The following PRKN variants were observed in gnomAD, a reference collection of about 807,000 sequenced individuals.
PRKN encodes E3 ubiquitin-protein ligase parkin.
Under a neutral mutation model 59.5 loss-of-function variants are expected in PRKN, and 56 were observed. That is an observed-to-expected ratio of 0.94 (90% confidence interval 0.76 to 1.18). PRKN has a LOEUF of 1.18. Among genes scored for constraint, PRKN ranks in the 50% most tolerant of loss-of-function variants. PRKN has a pLI of 0.00. For synonymous variants in PRKN, 250 were observed against 222.1 expected (o/e 1.13, Z -1.12); for missense variants, 657 against 596.4 (o/e 1.10, Z -1.06).
intron 6 of PRKN, among the ~76,000 whole-genome samples, chr6:161,948,945 C>T (rs926790671): frequency 1.3e-5 from 2 of 152,166 alleles, no homozygotes; most frequent in Non-Finnish European, 2.9e-5. Flanking sequence ...GAACTTGCCC[C>T]AGAATTTCCA....
At chr6:162,016,474 C>A (rs1455719431) in intron 5 of PRKN, among the ~76,000 whole-genome samples, 5 of 152,090 alleles carry the variant, frequency 3.3e-5, no homozygotes, top group African/African-American at 1.2e-4. Context: ...TCCTGAGGTC[C>A]TCTGACTGTC....
chr6:161,367,614 C>T (rs1234834169), intron 10 of PRKN, among the ~76,000 whole-genome samples: 1 of 152,140 alleles, frequency 6.6e-6, no homozygotes, highest in Admixed American at 6.5e-5. Context: ...TTCTGTTCCT[C>T]AAACGCTACT....
intron 6 of PRKN, among the ~76,000 whole-genome samples, chr6:161,949,510 T>TAAAAACAA (rs1779907782): frequency 6.8e-6 from 1 of 147,342 alleles, no homozygotes; most frequent in Non-Finnish European, 1.5e-5. Context: ...GACTCTGTCT[T>TAAAAACAA]AAAAACAAAC....
rs1790004915 is a variant in PRKN at position 161,457,110 on chromosome 6, C to G, written c.1084-70233G>C. Among the ~76,000 whole-genome samples, 1 of 152,226 alleles carries G rather than the reference C, an allele frequency of 6.6e-6. No homozygotes were observed. Among genetic ancestry groups the G allele is most frequent in the Admixed American group, 6.5e-5 (1 of 15,284 alleles). ...GTCTTCGCTACGCAAGGCTCTCTTC[C>G]AGACCGCTTGGTTCTTTGGAGTCCA... is the stretch of plus-strand genomic sequence containing the variant. On this transcript the variant is annotated intron_variant, in intron 9 of 11. Coordinates refer to ENST00000366898, the MANE Select transcript of PRKN (RefSeq NM_004562.3). The surrounding 1 kb of genome is among the most constrained non-coding windows in gnomAD (Gnocchi z 5.0).
chr6:161,977,110 G>A (rs1239711713), intron 5 of PRKN, among the ~76,000 whole-genome samples: 1 of 152,168 alleles, frequency 6.6e-6, no homozygotes, highest in African/African-American at 2.4e-5. Context: ...GAATGTTTTT[G>A]TTGTAGTACT....
intron 5 of PRKN, among the ~76,000 whole-genome samples, chr6:162,052,747 A>G (rs572453516): frequency 2.3e-4 from 35 of 152,310 alleles, no homozygotes; most frequent in African/African-American, 7.2e-4. Flanking sequence ...GTATATATGT[A>G]TACCATATAC....
intron 6 of PRKN, among the ~76,000 whole-genome samples, chr6:161,814,895 C>T (rs1791709175): frequency 6.6e-6 from 1 of 152,152 alleles, no homozygotes; most frequent in Non-Finnish European, 1.5e-5. Flanking sequence ...GATTCAATTA[C>T]CTCCCACAGG....
chr6:161,813,985 G>A (rs1791664374), intron 6 of PRKN, among the ~76,000 whole-genome samples: 1 of 152,184 alleles, frequency 6.6e-6, no homozygotes, highest in Admixed American at 6.5e-5. Flanking sequence ...TCTAAAACAG[G>A]TAAAATGGAC....
intron 7 of PRKN, among the ~76,000 whole-genome samples, chr6:161,638,083 T>A (rs1783595134): frequency 6.6e-6 from 1 of 152,088 alleles, no homozygotes; most frequent in South Asian, 2.1e-4. Flanking sequence ...AGATAATAAT[T>A]ACAAAACTTT....
chr6:161,383,182 T>C (rs1387564917), intron 10 of PRKN, among the ~76,000 whole-genome samples: 3 of 152,230 alleles, frequency 2.0e-5, no homozygotes, highest in Non-Finnish European at 4.4e-5. Context: ...CTGGAGACCA[T>C]GCTGCTTGAG....
intron 6 of PRKN, among the ~76,000 whole-genome samples, chr6:161,848,167 C>T (rs941729218): frequency 5.9e-5 from 9 of 152,288 alleles, no homozygotes; most frequent in South Asian, 2.1e-4. Flanking sequence ...CAGCATATTT[C>T]GCCTTATTTC....
At chr6:161,855,364 T>C (rs1793609273) in intron 6 of PRKN, among the ~76,000 whole-genome samples, 1 of 152,232 alleles carries the variant, frequency 6.6e-6, no homozygotes, top group Non-Finnish European at 1.5e-5. Context: ...ATTTCTTTTA[T>C]TCTCAAATCT....
At chr6:162,299,595 T>C (rs1781848218) in intron 2 of PRKN, among the ~76,000 whole-genome samples, 1 of 151,928 alleles carries the variant, frequency 6.6e-6, no homozygotes, top group Admixed American at 6.6e-5. Flanking sequence ...TGCAAATATA[T>C]ATAAACTATA....
At chr6:161,825,362 C>A (rs1792197645) in intron 6 of PRKN, among the ~76,000 whole-genome samples, 2 of 152,116 alleles carry the variant, frequency 1.3e-5, no homozygotes, top group African/African-American at 4.8e-5. Flanking sequence ...TAAAGAAGGT[C>A]TCCCAAATGG....
chr6:162,327,923 A>G (rs1783371229), intron 2 of PRKN, among the ~76,000 whole-genome samples: 1 of 152,036 alleles, frequency 6.6e-6, no homozygotes, highest in Non-Finnish European at 1.5e-5. Context: ...AGCGTTTCTC[A>G]ATGGTCTACA....
At chr6:162,539,637 T>C (rs1242547730) in intron 1 of PRKN, among the ~76,000 whole-genome samples, 1 of 152,188 alleles carries the variant, frequency 6.6e-6, no homozygotes, top group African/African-American at 2.4e-5. Context: ...TGTAGGCTGC[T>C]TGAATCGCAG....
intron 6 of PRKN, among the ~76,000 whole-genome samples, chr6:161,864,897 G>A (rs547442825): frequency 2.6e-5 from 4 of 152,182 alleles, no homozygotes; most frequent in South Asian, 2.1e-4. Context: ...CTTGTGATCC[G>A]CCTGCCCTGG....
chr6:161,714,365 G>A (rs981183783), intron 7 of PRKN, among the ~76,000 whole-genome samples: 1 of 152,152 alleles, frequency 6.6e-6, no homozygotes, highest in Non-Finnish European at 1.5e-5. Context: ...CCTCCCCCAT[G>A]AATGGGATTT....
intron 4 of PRKN, among the ~76,000 whole-genome samples, chr6:162,064,583 ACTC>A (rs1394807014): frequency 6.6e-6 from 1 of 152,010 alleles, no homozygotes; most frequent in African/African-American, 2.4e-5. Flanking sequence ...AGGCTACAAA[ACTC>A]TTAAAGTCAA....
Sources: allele counts gnomAD v4.1 joint callset (sites outside exome capture counted in the v4.1 genomes callset), GRCh38; gene constraint gnomAD v4.1.1; non-coding constraint Gnocchi (gnomAD v3.1); transcripts MANE v1.5; gene names NCBI Gene and HGNC (gene_info 2026-07-23, HGNC 2026-07-21).